PPP3CA: variants seen among roughly 807,000 people sequenced by gnomAD.
PPP3CA encodes the protein protein phosphatase 3 catalytic subunit alpha.
A neutral mutation model predicts 66.5 loss-of-function variants in PPP3CA; 14 were observed. The observed-to-expected ratio is 0.21, with a 90% CI of 0.14 to 0.33. PPP3CA has a LOEUF of 0.33. Among genes scored for constraint, PPP3CA ranks in the 10% least tolerant of loss-of-function variants. The probability of loss-of-function intolerance (pLI) is 1.00; values close to 1 mark genes in which losing one functional copy is unlikely to be tolerated. For synonymous variants in PPP3CA, 232 were observed against 226.2 expected, an observed-to-expected ratio of 1.03 and a Z score of -0.23; for missense variants, 317 against 639.5, an observed-to-expected ratio of 0.50 and a Z score of 5.44.
intron 2 of PPP3CA, among the ~76,000 whole-genome samples, chr4:101,186,512 C>T (rs1339858748): frequency 2.0e-5 from 3 of 152,006 alleles, no homozygotes; most frequent in Non-Finnish European, 4.4e-5. Context: ...CAAAGCCCAC[C>T]CTTGCATATA....
intron 1 of PPP3CA, among the ~76,000 whole-genome samples, chr4:101,320,509 CACAT>C (rs1729010147): frequency 7.2e-6 from 1 of 138,750 alleles, no homozygotes; most frequent in African/African-American, 2.8e-5. Context: ...CACACACACA[CACAT>C]ACACAGACAA....
At chr4:101,243,591 G>A (rs978078860) in intron 1 of PPP3CA, among the ~76,000 whole-genome samples, 1 of 152,158 alleles carries the variant, frequency 6.6e-6, no homozygotes, top group Non-Finnish European at 1.5e-5. Context: ...AGGATTATAA[G>A]TAATCTAGAA....
At chr4:101,156,275 C>G (rs187620273) in intron 2 of PPP3CA, among the ~76,000 whole-genome samples, 1 of 152,222 alleles carries the variant, frequency 6.6e-6, no homozygotes, top group Non-Finnish European at 1.5e-5. Flanking sequence ...ACACCAGTCC[C>G]CATGTGAAGC....
intron 8 of PPP3CA, among the ~76,000 whole-genome samples, chr4:101,065,335 A>C (rs201920297): frequency 1.3e-5 from 2 of 152,096 alleles, no homozygotes; most frequent in Non-Finnish European, 2.9e-5. Flanking sequence ...ATGCATCCTC[A>C]TATCTTCAGA....
intron 1 of PPP3CA, among the ~76,000 whole-genome samples, chr4:101,296,477 C>A (rs1174549260): frequency 6.6e-6 from 1 of 152,068 alleles, no homozygotes; most frequent in African/African-American, 2.4e-5. Flanking sequence ...AGATGAACTA[C>A]TTTTATTCTA....
chr4:101,236,683 A>C (rs1726142572), intron 1 of PPP3CA, among the ~76,000 whole-genome samples: 1 of 151,884 alleles, frequency 6.6e-6, no homozygotes, highest in Admixed American at 6.6e-5. Flanking sequence ...ATTGTTGAAC[A>C]TTTATGTTTT....
chr4:101,305,123 C>A (rs1461401869), intron 1 of PPP3CA, among the ~76,000 whole-genome samples: 1 of 152,166 alleles, frequency 6.6e-6, no homozygotes, highest in African/African-American at 2.4e-5. Context: ...CCCACATGGG[C>A]AAGAGTTTGT....
intron 3 of PPP3CA, 95 bp downstream of exon 3, chr4:101,108,859 A>AG: frequency 8.4e-7 from 1 of 1,187,746 alleles, no homozygotes; most frequent in South Asian, 1.5e-5. Context: ...TCATTGTTAG[A>AG]GGTTTCCATA....
intron 1 of PPP3CA, among the ~76,000 whole-genome samples, chr4:101,221,290 T>C (rs1725616164): frequency 6.6e-6 from 1 of 151,644 alleles, no homozygotes; most frequent in African/African-American, 2.4e-5. Context: ...TGGAATTATA[T>C]GAAATATATA....
chr4:101,060,164 T>G (rs972441276), intron 10 of PPP3CA, among the ~76,000 whole-genome samples: 9 of 152,114 alleles, frequency 5.9e-5, no homozygotes, highest in Non-Finnish European at 5.9e-5. Context: ...CATGGCTCAC[T>G]GCAGTCTCAA....
intron 1 of PPP3CA, among the ~76,000 whole-genome samples, chr4:101,344,175 A>G (rs978176686): frequency 3.3e-5 from 5 of 152,218 alleles, no homozygotes; most frequent in African/African-American, 9.6e-5. Context: ...TCTAAACTCC[A>G]TATTATCTAA....
At chr4:101,236,381 C>G (rs898798281) in intron 1 of PPP3CA, among the ~76,000 whole-genome samples, 3 of 151,866 alleles carry the variant, frequency 2.0e-5, no homozygotes, top group Non-Finnish European at 4.4e-5. Context: ...TTTAGAAGAA[C>G]TGAAAGAAAC....
rs527662093 is a variant in PPP3CA at position 101,093,924 on chromosome 4, A to C, written c.643-9T>G. The C allele has an allele frequency of 6.2e-5, 99 of 1,589,184 alleles. No individual in the cohort carries two copies. In the East Asian group the frequency reaches 2.1e-3, roughly 33 times the overall value. ...TCTTTGAATCGGTCTAACTAAGAAAAATAGAAGACAGAGAGCAAAATACTA... is the reference window on the plus strand; with the variant it reads ...TCTTTGAATCGGTCTAACTAAGAAACATAGAAGACAGAGAGCAAAATACTA... On this transcript the variant is annotated splice_polypyrimidine_tract_variant and intron_variant, in intron 5 of 13. Transcript: ENST00000394854.
In PPP3CA at chr4:101,160,278, C is replaced by T. The variant is rs187118046; in HGVS notation, c.259+35638G>A. ...TTCCCCATGGAAAATCCATTGACAA[C>T]GACCACTGATATAAGTCATTCTAGT... On this transcript the variant is annotated intron_variant, in intron 2 of 13. Transcript: ENST00000394854. Among the ~76,000 whole-genome samples the T allele has an allele frequency of 6.9e-4, 105 of 152,210 alleles. 1 individual carries two copies. Among genetic ancestry groups the T allele is most frequent in the African/African-American group, 2.4e-3 (100 of 41,516 alleles).
chr4:101,072,282 G>A (rs1014090123), intron 8 of PPP3CA, among the ~76,000 whole-genome samples: 1 of 152,172 alleles, frequency 6.6e-6, no homozygotes, highest in African/African-American at 2.4e-5. Context: ...TTGAAGAATG[G>A]TTAGAGTCAC....
At chr4:101,284,458 G>A (rs1041136625) in intron 1 of PPP3CA, among the ~76,000 whole-genome samples, 2 of 152,054 alleles carry the variant, frequency 1.3e-5, no homozygotes, top group Non-Finnish European at 2.9e-5. Flanking sequence ...CTTGTAACTT[G>A]CTTTTGTTTC....
At chr4:101,346,665 A>AAGGCG (rs1730011086) in intron 1 of PPP3CA, 74 bp downstream of exon 1, 3 of 1,291,250 alleles carry the variant, frequency 2.3e-6, no homozygotes, top group Non-Finnish European at 3.3e-6. Context: ...GAGGGGAGGA[A>AAGGCG]AGGCGAGGCG....
At chr4:101,191,240 G>C (rs1189432035) in intron 2 of PPP3CA, among the ~76,000 whole-genome samples, 1 of 152,160 alleles carries the variant, frequency 6.6e-6, no homozygotes, top group Non-Finnish European at 1.5e-5. Flanking sequence ...AGCCCTACAG[G>C]TGATTCTGAT....
intron 5 of PPP3CA, among the ~76,000 whole-genome samples, chr4:101,095,201 T>C (rs188986154): frequency 1.6e-4 from 24 of 152,278 alleles, no homozygotes; most frequent in Admixed American, 1.1e-3. Flanking sequence ...CTTGGAACAA[T>C]ACATTCAAGA....
Sources: allele counts gnomAD v4.1 joint callset (sites outside exome capture counted in the v4.1 genomes callset), GRCh38; gene constraint gnomAD v4.1.1; transcripts MANE v1.5; gene names NCBI Gene and HGNC (gene_info 2026-07-23, HGNC 2026-07-21).